DOCK1: variants seen among roughly 807,000 people sequenced by gnomAD.
DOCK1 encodes the protein dedicator of cytokinesis 1, also known as dedicator of cytokinesis protein 1.
Under a neutral mutation model 262.7 loss-of-function variants are expected in DOCK1, and 138 were observed. The ratio of observed to expected loss-of-function variants is 0.53; its 90% CI spans 0.46 to 0.61. The LOEUF is 0.61. DOCK1 is among the 20% of genes least tolerant of loss of function. DOCK1 has a pLI of 0.00. For synonymous variants in DOCK1, 866 were observed against 867.4 expected, an observed-to-expected ratio of 1.00 and a Z score of 0.03; for missense variants, 1,908 against 2,370.7, an observed-to-expected ratio of 0.80 and a Z score of 4.05.
chr10:127,042,800 C>T, intron 20 of DOCK1, 86 bp downstream of exon 20: 1 of 1,380,082 alleles, frequency 7.2e-7, no homozygotes, highest in Non-Finnish European at 1.0e-6. Flanking sequence ...GGGGCTTCGT[C>T]ACAGTGACCT....
Position 127,057,832 on chromosome 10 carries a change from C to T in DOCK1, c.2337-3836C>T, listed in dbSNP as rs2045264458. Among the ~76,000 whole-genome samples, 4 of 152,166 alleles carry T rather than the reference C, an allele frequency of 2.6e-5. 1 individual carries two copies. The South Asian group carries it at 8.3e-4, about 32-fold the overall frequency. ...ATTGATCATGAATAAGTTGTACAGA[C>T]CTTTTTGCTATCATTCCCTGGGTCA... On this transcript the variant is annotated intron_variant, in intron 22 of 51. Transcript: ENST00000623213.
intron 27 of DOCK1, among the ~76,000 whole-genome samples, chr10:127,222,964 G>T (rs7901446): frequency 1.3e-5 from 2 of 152,026 alleles, no homozygotes; most frequent in African/African-American, 4.8e-5. Flanking sequence ...GGTGTGAGCC[G>T]CTGTGCCGAG....
intron 31 of DOCK1, among the ~76,000 whole-genome samples, chr10:127,347,600 G>A (rs1170174223): frequency 1.3e-5 from 2 of 151,932 alleles, no homozygotes; most frequent in African/African-American, 4.8e-5. Flanking sequence ...GGGGGCTCGT[G>A]GTCTGGGAGT....
intron 29 of DOCK1, among the ~76,000 whole-genome samples, chr10:127,334,798 T>G (rs926382422): frequency 9.9e-5 from 15 of 152,222 alleles, no homozygotes; most frequent in African/African-American, 3.6e-4. Context: ...ATTAATTAAT[T>G]AATTCTCCTG....
At chr10:126,953,107 T>C (rs2036451900) in intron 1 of DOCK1, among the ~76,000 whole-genome samples, 1 of 151,808 alleles carries the variant, frequency 6.6e-6, no homozygotes, top group African/African-American at 2.4e-5. Context: ...GGTTGTGAAG[T>C]ATTGGTGATG....
Position 127,018,814 on chromosome 10 carries a change from T to A in DOCK1, c.1306T>A (p.Phe436Ile). Reference protein sequence around the residue: ...RTTAVARKTGFPEIIMPGDVR... With the variant: ...RTTAVARKTGIPEIIMPGDVR... ...CACAGCTGTGGCTCGAAAAACAGGG[T>A]TTCCGGAGATAATCATGCCTGGTAA... is the stretch of plus-strand genomic sequence containing the variant. The change falls in exon 13 of 52, where the codon TTT becomes ATT. Residue 436 changes from phenylalanine (F) to isoleucine (I), a missense_variant. Phe to Ile is a conservative substitution (Grantham distance 21). Around this residue, in one of 9 missense-constraint regions of DOCK1, gnomAD observed 294 missense variants for 439.9 expected, o/e 0.67. Coordinates refer to ENST00000623213, the MANE Select transcript of DOCK1 (RefSeq NM_001290223.2). 6.2e-7 allele frequency: 1 copy of A among 1,611,636 alleles called. No homozygotes were observed. The highest frequency in any genetic ancestry group is 8.5e-7 in the Non-Finnish European group (1 of 1,178,988).
chr10:127,021,529 A>AGTTTATGCCTTCCTTATCAGTGAGGCT (rs2042422036), intron 13 of DOCK1, among the ~76,000 whole-genome samples: 1 of 152,014 alleles, frequency 6.6e-6, no homozygotes, highest in Non-Finnish European at 1.5e-5. Context: ...GAGATCATGG[A>AGTTTATGCCTTCCTTATCAGTGAGGCT]GTTTATGCCT....
At chr10:127,287,494 AT>A (rs537772373) in intron 29 of DOCK1, among the ~76,000 whole-genome samples, 3 of 151,860 alleles carry the variant, frequency 2.0e-5, no homozygotes, top group East Asian at 1.9e-4. Flanking sequence ...CAGGCTCCCC[AT>A]TTTTTTTCCT....
At chr10:127,363,938 G>T (rs182315952) in intron 33 of DOCK1, among the ~76,000 whole-genome samples, 3 of 152,294 alleles carry the variant, frequency 2.0e-5, no homozygotes, top group Non-Finnish European at 2.9e-5. Context: ...TGTAACATTG[G>T]CATGAAATAG....
chr10:127,001,814 T>C (rs2040614081), intron 10 of DOCK1, among the ~76,000 whole-genome samples: 2 of 152,216 alleles, frequency 1.3e-5, no homozygotes, highest in South Asian at 4.1e-4. Context: ...TGAGGTGTTC[T>C]TTCTGAAGTC....
chr10:127,199,751 G>A (rs2057371248), intron 27 of DOCK1, among the ~76,000 whole-genome samples: 1 of 152,218 alleles, frequency 6.6e-6, no homozygotes, highest in African/African-American at 2.4e-5. Flanking sequence ...TGCACTAGTT[G>A]CTTATGCAGT....
chr10:127,027,559 C>A (rs1164676107), intron 16 of DOCK1, among the ~76,000 whole-genome samples: 3 of 152,010 alleles, frequency 2.0e-5, no homozygotes, highest in Non-Finnish European at 4.4e-5. Flanking sequence ...GCACTTCAGC[C>A]TGGGGAACAG....
chr10:127,223,083 T>C (rs1252018268), intron 27 of DOCK1, among the ~76,000 whole-genome samples: 1 of 152,228 alleles, frequency 6.6e-6, no homozygotes, highest in Non-Finnish European at 1.5e-5. Flanking sequence ...GTCTCTGCCC[T>C]CATTATTGAC....
At chr10:127,054,416 T>G (rs1454385872) in intron 22 of DOCK1, among the ~76,000 whole-genome samples, 1 of 152,216 alleles carries the variant, frequency 6.6e-6, no homozygotes, top group Admixed American at 6.5e-5. Flanking sequence ...GCATCATGGT[T>G]TTGTCCTTGA....
chr10:126,962,985 C>A (rs1372613449), intron 1 of DOCK1, among the ~76,000 whole-genome samples: 2 of 152,076 alleles, frequency 1.3e-5, no homozygotes, highest in African/African-American at 2.4e-5. Context: ...AAAAGACTGT[C>A]CTCTCCCCAT....
chr10:127,359,115 C>T (rs547870646), intron 32 of DOCK1, among the ~76,000 whole-genome samples: 26 of 151,900 alleles, frequency 1.7e-4, no homozygotes, highest in African/African-American at 6.0e-4. Context: ...GCAAGATATG[C>T]TCCAGGGGAA....
At chr10:127,201,547 T>C (rs1468770198) in intron 27 of DOCK1, among the ~76,000 whole-genome samples, 2 of 152,220 alleles carry the variant, frequency 1.3e-5, no homozygotes, top group African/African-American at 4.8e-5. Flanking sequence ...GAATCTGATT[T>C]ATCCACAGAA....
chr10:127,129,879 G>A (rs1030649990), intron 27 of DOCK1, among the ~76,000 whole-genome samples: 11 of 150,408 alleles, frequency 7.3e-5, no homozygotes, highest in Admixed American at 7.2e-4. Context: ...TTTTGTCTCT[G>A]TTTAGGGGAG....
chr10:127,068,719 A>C (rs961347977), intron 23 of DOCK1, among the ~76,000 whole-genome samples: 4 of 152,238 alleles, frequency 2.6e-5, no homozygotes, highest in African/African-American at 9.6e-5. Flanking sequence ...CTATATATAT[A>C]CACACACATA....
Sources: gnomAD v4.1 joint callset for allele counts (sites outside exome capture counted in the v4.1 genomes callset) on GRCh38, gnomAD v4.1.1 for gene constraint, gnomAD v4.1.1 regional missense constraint, MANE v1.5 for transcripts, NCBI Gene and HGNC (gene_info 2026-07-23, HGNC 2026-07-21) for gene names.